NRXN3: variants seen among roughly 807,000 people sequenced by gnomAD.
NRXN3 encodes the protein neurexin 3.
A neutral mutation model predicts 137.6 loss-of-function variants in NRXN3; 32 were observed. The ratio of observed to expected loss-of-function variants is 0.23; its 90% CI spans 0.18 to 0.31. NRXN3 has a LOEUF of 0.31. Among genes scored for constraint, NRXN3 ranks in the 10% least tolerant of loss-of-function variants. The probability of loss-of-function intolerance (pLI) is 1.00; values close to 1 mark genes in which losing one functional copy is unlikely to be tolerated. For missense variants in NRXN3, 1,574 were observed against 2,062.5 expected (o/e 0.76, Z 4.59); for synonymous variants, 798 against 784.5 (o/e 1.02, Z -0.29).
chr14:79,228,196 C>A (rs371222380), intron 15 of NRXN3, among the ~76,000 whole-genome samples: 37 of 152,242 alleles, frequency 2.4e-4, no homozygotes, highest in African/African-American at 8.4e-4. Context: ...ATAGCAAAAG[C>A]TTTCCCTGAA....
chr14:78,197,173 A>G (rs1373884394), intron 1 of NRXN3, among the ~76,000 whole-genome samples: 1 of 152,194 alleles, frequency 6.6e-6, no homozygotes, highest in Non-Finnish European at 1.5e-5. Flanking sequence ...GCCAGCATAT[A>G]AATTATCCAG....
At chr14:78,976,201 A>T (rs2099465390) in intron 14 of NRXN3, among the ~76,000 whole-genome samples, 1 of 152,204 alleles carries the variant, frequency 6.6e-6, no homozygotes, top group Non-Finnish European at 1.5e-5. Flanking sequence ...ATGAGAAATA[A>T]AAGAATAACT....
At chr14:78,224,375 T>G (rs1011596729) in intron 1 of NRXN3, among the ~76,000 whole-genome samples, 2 of 152,050 alleles carry the variant, frequency 1.3e-5, no homozygotes, top group Non-Finnish European at 2.9e-5. Context: ...GCTGCACCCA[T>G]TAACGCGTCA....
chr14:78,747,801 C>G (rs2152942646), intron 8 of NRXN3, among the ~76,000 whole-genome samples: 1 of 152,344 alleles, frequency 6.6e-6, no homozygotes, highest in Non-Finnish European at 1.5e-5. Flanking sequence ...TTTTGCCCTT[C>G]TGCTCAAGAT....
At chr14:78,538,259 T>C (rs1307939152) in intron 4 of NRXN3, among the ~76,000 whole-genome samples, 1 of 152,232 alleles carries the variant, frequency 6.6e-6, no homozygotes, top group Non-Finnish European at 1.5e-5. Context: ...GGAATGTACT[T>C]CCATTTGTTT....
At chr14:79,286,757 C>A (rs1266679919) in intron 15 of NRXN3, among the ~76,000 whole-genome samples, 1 of 151,936 alleles carries the variant, frequency 6.6e-6, no homozygotes, top group East Asian at 1.9e-4. Context: ...GAGGAAATAG[C>A]CTTCAACCTC....
chr14:78,887,535 T>C (rs2152686316), intron 10 of NRXN3, among the ~76,000 whole-genome samples: 1 of 152,150 alleles, frequency 6.6e-6, no homozygotes, highest in South Asian at 2.1e-4. Context: ...TGCCTGATTT[T>C]TTTCCCCCAG....
intron 8 of NRXN3, among the ~76,000 whole-genome samples, chr14:78,766,020 GCCC>G (rs2098707834): frequency 6.6e-6 from 1 of 152,184 alleles, no homozygotes; most frequent in East Asian, 1.9e-4. Flanking sequence ...TTATGCAGAA[GCCC>G]AGCACCTAGC....
intron 2 of NRXN3, among the ~76,000 whole-genome samples, chr14:78,267,039 G>A (rs1032501338): frequency 2.6e-5 from 4 of 152,130 alleles, no homozygotes; most frequent in Admixed American, 6.5e-5. Context: ...ATTGCAAACC[G>A]TGCTAATCAA....
intron 16 of NRXN3, among the ~76,000 whole-genome samples, chr14:79,605,042 T>A (rs996164438): frequency 6.6e-6 from 1 of 152,000 alleles, no homozygotes; most frequent in Admixed American, 6.6e-5. Flanking sequence ...AAAAAAATTT[T>A]AAAAATAATA....
chr14:78,957,183 G>C, intron 10 of NRXN3, 59 bp from the exon 11 acceptor site: 1 of 1,592,918 alleles, frequency 6.3e-7, no homozygotes, highest in East Asian at 2.2e-5. Flanking sequence ...TGACAACCCT[G>C]ATGCATGAGC....
At chr14:79,816,182 C>T (rs2099250835) in intron 20 of NRXN3, among the ~76,000 whole-genome samples, 1 of 152,222 alleles carries the variant, frequency 6.6e-6, no homozygotes, top group Non-Finnish European at 1.5e-5. Context: ...TTCAAGGTCA[C>T]ATACCTGCAC....
At chr14:78,346,464 T>C (rs765910777) in intron 4 of NRXN3, among the ~76,000 whole-genome samples, 8 of 152,160 alleles carry the variant, frequency 5.3e-5, no homozygotes, top group Admixed American at 1.3e-4. Context: ...TCAGCTTCAT[T>C]GACTCCTTGA....
intron 19 of NRXN3, among the ~76,000 whole-genome samples, chr14:79,779,201 C>A (rs533216320): frequency 4.0e-4 from 61 of 152,310 alleles, no homozygotes; most frequent in Non-Finnish European, 7.1e-4. Flanking sequence ...GCAACCTCTA[C>A]CTCCTGGGTT....
intron 15 of NRXN3, among the ~76,000 whole-genome samples, chr14:79,023,317 A>G (rs1403299940): frequency 6.6e-6 from 1 of 152,094 alleles, no homozygotes; most frequent in Middle Eastern, 3.2e-3. Context: ...AGATGAGCAC[A>G]ACAGACCAAG....
intron 15 of NRXN3, among the ~76,000 whole-genome samples, chr14:78,989,374 T>G (rs2099513934): frequency 6.6e-6 from 1 of 152,152 alleles, no homozygotes; most frequent in Non-Finnish European, 1.5e-5. Context: ...TTCTCAGTAG[T>G]TTTGGTCCCA....
chr14:78,623,094 A>C (rs768529416), intron 4 of NRXN3, among the ~76,000 whole-genome samples: 2 of 152,236 alleles, frequency 1.3e-5, no homozygotes, highest in Non-Finnish European at 2.9e-5. Context: ...TAATTTGCTG[A>C]AAATCACATG....
chr14:78,188,337 C>A (rs1409049982), intron 1 of NRXN3, among the ~76,000 whole-genome samples: 1 of 152,154 alleles, frequency 6.6e-6, no homozygotes, highest in African/African-American at 2.4e-5. Context: ...ATCTCCAGGT[C>A]AAGGTTACCT....
At chr14:79,003,498 A>G (rs1462587894) in intron 15 of NRXN3, among the ~76,000 whole-genome samples, 9 of 152,190 alleles carry the variant, frequency 5.9e-5, no homozygotes, top group Admixed American at 5.9e-4. Context: ...CTGAAGCTCT[A>G]AGGCCAGGCC....
Sources: allele counts gnomAD v4.1 joint callset (sites outside exome capture counted in the v4.1 genomes callset), GRCh38; gene constraint gnomAD v4.1.1; transcripts MANE v1.5; gene names NCBI Gene and HGNC (gene_info 2026-07-23, HGNC 2026-07-21).